The following DMD variants were observed in gnomAD, a reference collection of about 807,000 sequenced individuals.
DMD encodes the protein mutant dystrophin.
DMD carries 63 observed loss-of-function variants against 330.1 expected under a neutral mutation model. That is an observed-to-expected ratio of 0.19 (90% CI 0.16 to 0.24). The LOEUF (loss-of-function observed/expected upper bound fraction) is 0.24, where lower values mean the gene tolerates loss of function less well. DMD is among the 10% of genes least tolerant of loss of function. The pLI, the probability that DMD is intolerant of heterozygous loss-of-function variation, is 1.00. For synonymous variants in DMD, 1,223 were observed against 959.8 expected, an observed-to-expected ratio of 1.27 and a Z score of -5.07; for missense variants, 3,344 against 2,684.1, an observed-to-expected ratio of 1.25 and a Z score of -5.43.
intron 9 of DMD, among the ~76,000 whole-genome samples, chrX:32,650,258 G>A (rs1200108006): frequency 1.8e-5 from 2 of 111,941 alleles, no homozygotes; most frequent in East Asian, 2.8e-4. Flanking sequence ...AGTATGATAC[G>A]ACTGTTAACC....
intron 52 of DMD, among the ~76,000 whole-genome samples, chrX:31,697,769 T>C (rs912163946): frequency 6.2e-5 from 7 of 112,349 alleles, no homozygotes; most frequent in African/African-American, 2.3e-4. Flanking sequence ...ACAGTTCTGT[T>C]GCAATTTCTG....
chrX:32,233,063 A>G (rs1176248346), intron 43 of DMD, among the ~76,000 whole-genome samples: 1 of 112,236 alleles, frequency 8.9e-6, no homozygotes, highest in Admixed American at 9.5e-5. Flanking sequence ...ACATTTATTG[A>G]GCGCTTAGTC....
At chrX:33,083,042 AAGAGAG>A (rs759997903) in intron 1 of DMD, among the ~76,000 whole-genome samples, 12 of 108,149 alleles carry the variant, frequency 1.1e-4, no homozygotes, top group Non-Finnish European at 1.3e-4. Flanking sequence ...AATGCAGAGA[AAGAGAG>A]AGAGAGAGAG....
Position 32,454,902 on chromosome X carries a change from C to T in DMD, c.3433-70G>A, listed in dbSNP as rs1268370016. 3.6e-6 allele frequency: 4 copies of T among 1,118,242 alleles called. No individual in the cohort carries two copies. In the African/African-American group the frequency reaches 7.3e-5, roughly 20 times the overall value. The allele number at this position is 1,118,242 out of a possible 1,213,427, so 92.2% of individuals were successfully genotyped here. Reference sequence around the variant, plus strand: ...AAACATTATTATTATATTATTTCATCAGTATGTAAATAACAGAAAGCTTAG... The same window carrying T: ...AAACATTATTATTATATTATTTCATTAGTATGTAAATAACAGAAAGCTTAG... On this transcript the variant is annotated intron_variant, in intron 25 of 78. Transcript: ENST00000357033.
intron 44 of DMD, among the ~76,000 whole-genome samples, chrX:32,188,953 T>C: frequency 9.0e-6 from 1 of 111,020 alleles, no homozygotes; most frequent in Non-Finnish European, 1.9e-5. Context: ...CTTATGTATA[T>C]TTTTATGCTT....
intron 1 of DMD, among the ~76,000 whole-genome samples, chrX:33,301,491 G>T (rs1332461589): frequency 2.7e-5 from 3 of 111,880 alleles, no homozygotes; most frequent in African/African-American, 9.7e-5. Context: ...ACAAAATTAT[G>T]CAGTAAGTTT....
chrX:31,721,712 C>A (rs1311924221), intron 52 of DMD, among the ~76,000 whole-genome samples: 8,031 of 61,830 alleles, frequency 0.13, 548 homozygotes, highest in African/African-American at 0.26. Context: ...CTCTCTCTCT[C>A]TCTCTCTATA....
At chrX:33,180,183 A>T (rs1038281295) in intron 1 of DMD, among the ~76,000 whole-genome samples, 5 of 112,119 alleles carry the variant, frequency 4.5e-5, no homozygotes, top group African/African-American at 1.6e-4. Flanking sequence ...TCTGAAAGAG[A>T]CATATCACAT....
intron 60 of DMD, among the ~76,000 whole-genome samples, chrX:31,391,015 A>T (rs1162705843): frequency 9.0e-6 from 1 of 111,703 alleles, no homozygotes; most frequent in Non-Finnish European, 1.9e-5. Context: ...CATATGACTG[A>T]CCTAACCTTC....
intron 74 of DMD, among the ~76,000 whole-genome samples, chrX:31,162,185 A>C (rs1053251966): frequency 9.1e-6 from 1 of 109,990 alleles, no homozygotes; most frequent in African/African-American, 3.3e-5. Context: ...TTGTAGTCTC[A>C]TAATTTTAAA....
intron 42 of DMD, among the ~76,000 whole-genome samples, chrX:32,303,346 G>A (rs2097529849): frequency 9.0e-6 from 1 of 110,755 alleles, no homozygotes; most frequent in South Asian, 3.8e-4. Flanking sequence ...TAAGTGCTAG[G>A]TGCTGTTCTA....
chrX:32,875,530 C>A (rs2083307353), intron 2 of DMD, among the ~76,000 whole-genome samples: 1 of 111,692 alleles, frequency 9.0e-6, no homozygotes, highest in Admixed American at 9.5e-5. Context: ...AGTGCCAGGC[C>A]CGGTTGTAAG....
intron 30 of DMD, among the ~76,000 whole-genome samples, chrX:32,402,845 C>T (rs763765969): frequency 2.2e-4 from 24 of 111,441 alleles, no homozygotes; most frequent in East Asian, 5.7e-4. Flanking sequence ...TTATGGTAAA[C>T]GTAAGTGGCC....
intron 17 of DMD, among the ~76,000 whole-genome samples, chrX:32,525,998 C>G (rs775882549): frequency 2.7e-5 from 3 of 111,692 alleles, no homozygotes; most frequent in Non-Finnish European, 5.7e-5. Context: ...TCACATAAAA[C>G]CATTGCTAAT....
At chrX:32,281,129 A>C (rs1413963672) in intron 43 of DMD, among the ~76,000 whole-genome samples, 1 of 112,333 alleles carries the variant, frequency 8.9e-6, no homozygotes, top group Non-Finnish European at 1.9e-5. Flanking sequence ...ACAATGGAGA[A>C]ATCCCTGGGG....
At chrX:32,498,904 T>G (rs986666148) in intron 19 of DMD, among the ~76,000 whole-genome samples, 17 of 111,592 alleles carry the variant, frequency 1.5e-4, no homozygotes, top group Non-Finnish European at 3.0e-4. Flanking sequence ...TTCAACAACC[T>G]TAACACCCTA....
chrX:32,995,079 T>C (rs2147345912), intron 2 of DMD, among the ~76,000 whole-genome samples: 1 of 112,036 alleles, frequency 8.9e-6, no homozygotes, highest in South Asian at 3.7e-4. Context: ...CACTCCAACC[T>C]GAGTGACGAA....
intron 21 of DMD, among the ~76,000 whole-genome samples, chrX:32,474,257 A>G (rs1055845730): frequency 8.2e-5 from 9 of 110,007 alleles, no homozygotes; most frequent in Non-Finnish European, 1.7e-4. Flanking sequence ...TTCTTTAACC[A>G]CTCATTCAGT....
intron 43 of DMD, among the ~76,000 whole-genome samples, chrX:32,219,361 A>G (rs1372791349): frequency 8.9e-6 from 1 of 111,878 alleles, no homozygotes; most frequent in Non-Finnish European, 1.9e-5. Context: ...GCATCACTGG[A>G]GTCAAAGAGT....
Sources: allele counts gnomAD v4.1 joint callset (sites outside exome capture counted in the v4.1 genomes callset), GRCh38; gene constraint gnomAD v4.1.1; transcripts MANE v1.5; gene names NCBI Gene and HGNC (gene_info 2026-07-23, HGNC 2026-07-21).